HIF1AN: variants seen among roughly 807,000 people sequenced by gnomAD.
HIF1AN encodes the protein hypoxia inducible factor 1 subunit alpha inhibitor.
HIF1AN carries 21 observed loss-of-function variants against 47.7 expected under a neutral mutation model. The ratio of observed to expected loss-of-function variants is 0.44; its 90% CI spans 0.31 to 0.63. The LOEUF is 0.63. HIF1AN is among the 30% of genes least tolerant of loss of function. The pLI is 0.07. For missense variants in HIF1AN, 320 were observed against 432.7 expected (o/e 0.74, Z 2.31); for synonymous variants, 152 against 155.9 (o/e 0.98, Z 0.18).
chr10:100,548,259 C>A lies in HIF1AN; in HGVS notation c.*122C>A. 1.2e-6 allele frequency: 1 copy of A among 838,870 alleles called. No homozygotes were observed. The highest frequency in any genetic ancestry group is 1.8e-6 in the Non-Finnish European group (1 of 561,510). The allele number at this position is 838,870 out of a possible 1,614,324, so 52.0% of individuals were successfully genotyped here. On this transcript the variant is annotated 3_prime_UTR_variant, in exon 8 of 8. Transcript: ENST00000299163. Reference sequence around the variant, plus strand: ...CTGCACTTAATGGACTGGACTCTTGCCATGGCCCAGGAGTCAGGTGTTTGG... The same window carrying A: ...CTGCACTTAATGGACTGGACTCTTGACATGGCCCAGGAGTCAGGTGTTTGG...
At chr10:100,537,762 C>A (rs1457697096) in intron 2 of HIF1AN, among the ~76,000 whole-genome samples, 1 of 152,242 alleles carries the variant, frequency 6.6e-6, no homozygotes, top group South Asian at 2.1e-4. Context: ...TTGCTTCACT[C>A]ACTCCTGTTC....
At chr10:100,540,852 C>T in intron 3 of HIF1AN, 70 bp downstream of exon 3, 1 of 1,340,830 alleles carries the variant, frequency 7.5e-7, no homozygotes, top group Middle Eastern at 2.0e-4. Flanking sequence ...GTCTTCACCG[C>T]TTATTAGCTC....
intron 2 of HIF1AN, among the ~76,000 whole-genome samples, chr10:100,539,993 T>TTTTA (rs777672692): frequency 2.0e-5 from 3 of 152,132 alleles, no homozygotes; most frequent in South Asian, 2.1e-4. Context: ...CCGTGGATTC[T>TTTTA]TTTATTTATT....
rs1410261268 is a variant in HIF1AN, at chr10:100,555,876, A to T, written c.*7739A>T. 1 of 152,234 alleles carries T rather than the reference A, an allele frequency of 6.6e-6. No individual in the cohort carries two copies. Among genetic ancestry groups the T allele is most frequent in the Non-Finnish European group, 1.5e-5 (1 of 68,048 alleles). The allele number at this position is 152,234 out of a possible 1,614,324, so 9.4% of individuals were successfully genotyped here. ...GGTTTTTATTACCTCTTGAATATAT[A>T]TAGTGCAATATAGTGTAGTGGTTGA... On this transcript the variant is annotated 3_prime_UTR_variant, in exon 8 of 8. Transcript: ENST00000299163.
chr10:100,545,239 C>T, intron 4 of HIF1AN, 143 bp downstream of exon 4: 1 of 811,042 alleles, frequency 1.2e-6, no homozygotes, highest in Non-Finnish European at 1.9e-6. Flanking sequence ...AGGGTAATTT[C>T]ATTGTAGCTC....
At chr10:100,544,172 C>G (rs1470152937) in intron 3 of HIF1AN, among the ~76,000 whole-genome samples, 1 of 152,338 alleles carries the variant, frequency 6.6e-6, no homozygotes, top group South Asian at 2.1e-4. Flanking sequence ...TTCAAGGTGG[C>G]ATTTAAAATA....
At position 100,557,795 on chromosome 10, in the gene HIF1AN, A is replaced by G. The variant is rs1336205523; in HGVS notation, c.*9658A>G. The G allele has an allele frequency of 7.0e-6, 1 of 142,824 alleles. No individual in the cohort carries two copies. Among genetic ancestry groups the G allele is most frequent in the Admixed American group, 6.8e-5 (1 of 14,658 alleles). The allele number at this position is 142,824 out of a possible 1,614,324, so 8.8% of individuals were successfully genotyped here. Reference sequence around the variant, plus strand: ...GTGGCTATTGAGAATGAATGAGACAACTCATTAACTAACTAAGTTAATTCA... The same window carrying G: ...GTGGCTATTGAGAATGAATGAGACAGCTCATTAACTAACTAAGTTAATTCA... On this transcript the variant is annotated 3_prime_UTR_variant, in exon 8 of 8. Coordinates refer to ENST00000299163, the MANE Select transcript of HIF1AN (RefSeq NM_017902.3).
rs1401174350 is a variant in HIF1AN, at chr10:100,554,494, T to C, written c.*6357T>C. 6.6e-6 allele frequency: 1 copy of C among 151,758 alleles called. No homozygotes were observed. Among genetic ancestry groups the C allele is most frequent in the Non-Finnish European group, 1.5e-5 (1 of 67,996 alleles). 9.4% of individuals were successfully genotyped at this position (151,758 alleles called of 1,614,324 possible). On this transcript the variant is annotated 3_prime_UTR_variant, in exon 8 of 8. Transcript: ENST00000299163. ...TCTTAATAATTTTTTTTGAAAATAA[T>C]TTTTTAAAAATTACAAATATGGACC...
intron 2 of HIF1AN, among the ~76,000 whole-genome samples, chr10:100,536,875 G>A (rs1247899378): frequency 1.3e-5 from 2 of 152,144 alleles, no homozygotes; most frequent in Non-Finnish European, 2.9e-5. Context: ...GTAGCTTGAG[G>A]GATGAGGGAA....
rs183584245 is a variant in HIF1AN at position 100,540,148 on chromosome 10, T to A, written c.429-486T>A. 3.3e-3 allele frequency among the ~76,000 whole-genome samples: 501 copies of A among 151,166 alleles called. 2 individuals carry two copies. The highest frequency in any genetic ancestry group is 0.011 in the African/African-American group (465 of 41,222). ...CTCAGCCTCCTGAGTAGCTGGGACT[T>A]CTTCTCCAGGTTCTTTTTTTTTTTT... is the stretch of plus-strand genomic sequence containing the variant. On this transcript the variant is annotated intron_variant, in intron 2 of 7. Transcript: ENST00000299163.
chr10:100,542,555 C>T (rs369621571), intron 3 of HIF1AN, among the ~76,000 whole-genome samples: 1 of 152,084 alleles, frequency 6.6e-6, no homozygotes, highest in Admixed American at 6.6e-5. Flanking sequence ...TGGGGTTTCA[C>T]CGTGTTAGCC....
In HIF1AN at chr10:100,551,697, C is replaced by T. The variant is rs935771897; in HGVS notation, c.*3560C>T. Reference sequence around the variant, plus strand: ...GTAATAGTCAACACCCCTCATAGCCCACCTGTGACAAGTACTTGTTACATT... The same window carrying T: ...GTAATAGTCAACACCCCTCATAGCCTACCTGTGACAAGTACTTGTTACATT... On this transcript the variant is annotated 3_prime_UTR_variant, in exon 8 of 8. Transcript: ENST00000299163. 1.3e-5 allele frequency: 2 copies of T among 152,178 alleles called. No individual in the cohort carries two copies. Among genetic ancestry groups the T allele is most frequent in the Non-Finnish European group, 2.9e-5 (2 of 68,024 alleles). The allele number at this position is 152,178 out of a possible 1,614,324, so 9.4% of individuals were successfully genotyped here.
At chr10:100,545,875 G>T in intron 4 of HIF1AN, 68 bp from the exon 5 acceptor site, 1 of 987,536 alleles carries the variant, frequency 1.0e-6, no homozygotes. Context: ...TGCCAAACTG[G>T]CATATAGTAG....
At chr10:100,545,447 A>G (rs531926089) in intron 4 of HIF1AN, 1 of 243,086 alleles carries the variant, frequency 4.1e-6, no homozygotes, top group Admixed American at 5.1e-5. Flanking sequence ...CATGGATGCT[A>G]TTTCTTTTTG....
Position 100,551,763 on chromosome 10 carries a change from A to T in HIF1AN, c.*3626A>T, listed in dbSNP as rs1266591451. On this transcript the variant is annotated 3_prime_UTR_variant, in exon 8 of 8. Transcript: ENST00000299163. ...GTGAGGAAAATCTGGTCCTTATCAA[A>T]TCCCAGGAGCTTCTGCTTAGTTGGG... The T allele has an allele frequency of 6.6e-6, 1 of 152,220 alleles. No individual in the cohort carries two copies. Among genetic ancestry groups the T allele is most frequent in the African/African-American group, 2.4e-5 (1 of 41,458 alleles). 9.4% of individuals were successfully genotyped at this position (152,220 alleles called of 1,614,324 possible). A position where few individuals can be genotyped will look rare whatever the true frequency, so the allele number is the denominator to read the frequency against.
intron 3 of HIF1AN, among the ~76,000 whole-genome samples, chr10:100,543,524 T>G (rs915210743): frequency 3.3e-5 from 5 of 152,082 alleles, no homozygotes; most frequent in African/African-American, 9.7e-5. Context: ...TACCTGCCCC[T>G]TTGAAACCAA....
At chr10:100,542,846 G>GTTTTT (rs397730143) in intron 3 of HIF1AN, among the ~76,000 whole-genome samples, 15 of 111,764 alleles carry the variant, frequency 1.3e-4, no homozygotes, top group Admixed American at 3.3e-4. Context: ...ATGTGAATGT[G>GTTTTT]TTTTTTTTTT....
At position 100,555,261 on chromosome 10, in the gene HIF1AN, A is replaced by G. The variant is rs376198232; in HGVS notation, c.*7124A>G. On this transcript the variant is annotated 3_prime_UTR_variant, in exon 8 of 8. Coordinates refer to ENST00000299163, the MANE Select transcript of HIF1AN (RefSeq NM_017902.3). ...GAAAACCCTTTGGTTAGTCACAGAA[A>G]TCTGAAAGTCTTGGTTGCTGGCTCA... is the stretch of plus-strand genomic sequence containing the variant. 15 of 152,334 alleles carry G rather than the reference A, an allele frequency of 9.8e-5. No homozygotes were observed. The highest frequency in any genetic ancestry group is 9.8e-4 in the Admixed American group (15 of 15,306). The allele number at this position is 152,334 out of a possible 1,614,324, so 9.4% of individuals were successfully genotyped here. A position where few individuals can be genotyped will look rare whatever the true frequency, so the allele number is the denominator to read the frequency against.
intron 7 of HIF1AN, 140 bp downstream of exon 7, chr10:100,547,390 T>C (rs558002601): frequency 3.4e-6 from 2 of 594,018 alleles, no homozygotes; most frequent in Admixed American, 2.9e-5. Context: ...TTCAGAAAAA[T>C]TCTTGTTTTC....
Sources: gnomAD v4.1 joint callset for allele counts (sites outside exome capture counted in the v4.1 genomes callset) on GRCh38, gnomAD v4.1.1 for gene constraint, MANE v1.5 for transcripts, NCBI Gene and HGNC (gene_info 2026-07-23, HGNC 2026-07-21) for gene names.